PSG11: variants seen among roughly 807,000 people sequenced by gnomAD.
PSG11 encodes the protein pregnancy-specific beta-1-glycoprotein 11.
PSG11 carries 42 observed loss-of-function variants against 36.0 expected under a neutral mutation model. The ratio of observed to expected loss-of-function variants is 1.17; its 90% CI spans 0.91 to 1.51. The LOEUF (loss-of-function observed/expected upper bound fraction) is 1.51, where lower values mean the gene tolerates loss of function less well. PSG11 is among the 40% of genes most tolerant of loss of function. The pLI is 0.00. For missense variants in PSG11, 558 were observed against 403.5 expected (o/e 1.38, Z -3.28); for synonymous variants, 206 against 153.5 (o/e 1.34, Z -2.53).
intron 4 of PSG11, chr19:43,010,545 T>A: frequency 1.7e-6 from 1 of 572,128 alleles, no homozygotes; most frequent in Non-Finnish European, 3.0e-6. Context: ...TCTCTGAGGC[T>A]CTCTTTAACG....
rs1469260466 is a variant in PSG11, at chr19:43,010,654, A to G, written c.965-613T>C. The G allele has an allele frequency of 7.6e-6, 2 of 262,882 alleles. 1 individual carries two copies. The highest frequency in any genetic ancestry group is 4.6e-5 in the African/African-American group (2 of 43,152). 16.3% of individuals were successfully genotyped at this position (262,882 alleles called of 1,614,324 possible). On this transcript the variant is annotated intron_variant, in intron 4 of 5. Transcript: ENST00000320078. The stretch of plus-strand genomic sequence containing the variant: ...TTCTTTCTCTTTCTTTTTCACAGGA[A>G]TCAGCTCTGCATAGTGGTCTGTGGG...
intron 5 of PSG11, among the ~76,000 whole-genome samples, chr19:43,008,331 G>A (rs1252593363): frequency 6.6e-6 from 1 of 151,164 alleles, no homozygotes; most frequent in African/African-American, 2.4e-5. Flanking sequence ...GGAGTGCAGT[G>A]GTGCAATCTC....
At position 43,016,913 on chromosome 19, in the gene PSG11, G is replaced by C. The variant is rs545807864; in HGVS notation, c.710-1543C>G. Among the ~76,000 whole-genome samples, 7 of 151,640 alleles carry C rather than the reference G, an allele frequency of 4.6e-5. No individual in the cohort carries two copies. The East Asian group carries it at 1.4e-3, about 29-fold the overall frequency. On this transcript the variant is annotated intron_variant, in intron 3 of 5. Transcript: ENST00000320078. Reference sequence around the variant, plus strand: ...GTGGGAATGAACTGCTGGAAATCTGGTCCTCATGGACCATATGTGTTTGAT... The same window carrying C: ...GTGGGAATGAACTGCTGGAAATCTGCTCCTCATGGACCATATGTGTTTGAT...
At chr19:43,016,714 T>C (rs1452236844) in intron 3 of PSG11, among the ~76,000 whole-genome samples, 1 of 151,478 alleles carries the variant, frequency 6.6e-6, no homozygotes. Context: ...CAAGGAATGA[T>C]CTAGGAAGAG....
chr19:43,024,738 C>A lies in PSG11; in HGVS notation c.383G>T (p.Gly128Val), dbSNP rs142250883. 2 of 1,611,528 alleles carry A rather than the reference C, an allele frequency of 1.2e-6. 1 individual carries two copies. Among genetic ancestry groups the A allele is most frequent in the African/African-American group, 2.7e-5 (2 of 74,308 alleles). Residue 128 changes from glycine to valine, a missense_variant, in exon 2 of 6, where the codon GGT (glycine) becomes GTT (valine). Coordinates refer to ENST00000320078, the MANE Select transcript of PSG11 (RefSeq NM_002785.3). ...TCCAGTTACTCCTCTAGTCCCATCA[C>A]CTCGCTTTATGATGTGTAAGGTGTA... Reference protein sequence around the residue: ...GSYTLHIIKRGDGTRGVTGYF... With the variant: ...GSYTLHIIKRVDGTRGVTGYF...
intron 5 of PSG11, among the ~76,000 whole-genome samples, chr19:43,008,747 C>A (rs2122778658): frequency 6.6e-6 from 1 of 151,332 alleles, no homozygotes; most frequent in East Asian, 1.9e-4. Context: ...GTAGCCCATT[C>A]ATAAATAGGG....
intron 4 of PSG11, chr19:43,010,565 G>A: frequency 2.1e-6 from 1 of 483,850 alleles, no homozygotes. Flanking sequence ...GCTAATGGGT[G>A]ACTGGTTGGA....
chr19:43,024,691 G>A lies in PSG11; in HGVS notation c.430C>T (p.Leu144=), dbSNP rs369193836. The change falls in exon 2 of 6, where the codon CTG becomes TTG. Residue 144 remains leucine (L), a splice_region_variant and synonymous_variant. Transcript: ENST00000320078. ...CCAGGGATCATGTGGAATCACTTAC[G>A]GTATAAGGTGAAGGTGAAATATCCA... ...VTGYFTFTLY[L]ETPKPSISSS... is the part of the protein sequence containing the mutation. 5.3e-5 allele frequency: 86 copies of A among 1,610,076 alleles called. 4 individuals carry two copies. The African/African-American group carries it at 7.3e-4, about 14-fold the overall frequency.
rs3950834 is a variant in PSG11 at position 43,023,045 on chromosome 19, G to T, written c.430+1646C>A. ...CACCATGGCAGTGAGCAGTGAGGGA[G>T]ACACTGACTTCAGAGCCCCCAGGAA... is the stretch of plus-strand genomic sequence containing the variant. On this transcript the variant is annotated intron_variant, in intron 2 of 5. Coordinates refer to ENST00000320078, the MANE Select transcript of PSG11 (RefSeq NM_002785.3). 1.7e-4 allele frequency among the ~76,000 whole-genome samples: 25 copies of T among 150,574 alleles called. 1 individual carries two copies. Among genetic ancestry groups the T allele is most frequent in the Admixed American group, 6.6e-4 (10 of 15,106 alleles).
chr19:43,025,526 T>G (rs1482340554), intron 1 of PSG11, among the ~76,000 whole-genome samples: 5 of 151,080 alleles, frequency 3.3e-5, no homozygotes, highest in South Asian at 4.2e-4. Flanking sequence ...CATGTCTGAC[T>G]TCCTCCCCAT....
At chr19:43,022,219 T>C (rs1486353945) in intron 2 of PSG11, among the ~76,000 whole-genome samples, 1 of 151,484 alleles carries the variant, frequency 6.6e-6, no homozygotes, top group East Asian at 1.9e-4. Context: ...TTACAAAATT[T>C]GTAACTAATT....
chr19:43,019,021 C>A lies in PSG11; in HGVS notation c.458G>T (p.Ser153Ile). ...GGCCTCCCTGGGGTTTAAGTTGCTGCTGGAGATGGAGGGCTTGGGAGTCTC... is the reference window on the plus strand; with the variant it reads ...GGCCTCCCTGGGGTTTAAGTTGCTGATGGAGATGGAGGGCTTGGGAGTCTC... ...YLETPKPSIS[S>I]SNLNPREAME... Residue 153 changes from serine (S) to isoleucine (I), a missense_variant, in exon 3 of 6, where the codon AGC becomes ATC. Ser to Ile is a moderately radical substitution (Grantham distance 142). Coordinates refer to ENST00000320078, the MANE Select transcript of PSG11 (RefSeq NM_002785.3). 1 of 1,611,870 alleles carries A rather than the reference C, an allele frequency of 6.2e-7. No individual in the cohort carries two copies. The highest frequency in any genetic ancestry group is 8.5e-7 in the Non-Finnish European group (1 of 1,179,046).
At chr19:43,010,302 C>T (rs571404658) in intron 4 of PSG11, 3 of 1,495,810 alleles carry the variant, frequency 2.0e-6, no homozygotes, top group Non-Finnish European at 2.7e-6. Flanking sequence ...GTGAGAAAGG[C>T]TGATTGCTAT....
At chr19:43,013,652 G>T (rs1966886743) in intron 4 of PSG11, among the ~76,000 whole-genome samples, 1 of 151,372 alleles carries the variant, frequency 6.6e-6, no homozygotes, top group Admixed American at 6.6e-5. Context: ...GGAAAAATTG[G>T]AGCTCTAGTG....
In PSG11 at chr19:43,024,928, A is replaced by G; in HGVS notation, c.193T>C (p.Tyr65His). ...CTGATTTGCCCTTTGTACCAGATGT[A>G]GCCAGTAAGATTCTGGGGCAAATTG... The part of the protein sequence containing the change: ...VHNLPQNLTG[Y>H]IWYKGQIRDL... Residue 65 changes from tyrosine to histidine, a missense_variant, in exon 2 of 6, where the codon TAC becomes CAC. By Grantham distance (83) the Tyr-to-His change is moderately conservative. Transcript: ENST00000320078. 6.2e-7 allele frequency: 1 copy of G among 1,611,910 alleles called. No individual in the cohort carries two copies.
intron 3 of PSG11, chr19:43,016,037 G>A (rs1409692563): frequency 4.3e-6 from 7 of 1,609,440 alleles, no homozygotes; most frequent in Admixed American, 1.7e-5. Flanking sequence ...TAGGGCATGG[G>A]CAGCTTTGCT....
At chr19:43,011,991 C>T (rs970499619) in intron 4 of PSG11, among the ~76,000 whole-genome samples, 1 of 150,192 alleles carries the variant, frequency 6.7e-6, no homozygotes, top group East Asian at 1.9e-4. Context: ...AATTGTATGC[C>T]AATAAATTGG....
intron 2 of PSG11, among the ~76,000 whole-genome samples, chr19:43,022,539 T>C (rs183415967): frequency 6.6e-6 from 1 of 151,572 alleles, no homozygotes; most frequent in Non-Finnish European, 1.5e-5. Flanking sequence ...TCTGTCCTCC[T>C]GTTTGGCAGA....
At chr19:43,010,670 G>A (rs910988886) in intron 4 of PSG11, 10 of 213,764 alleles carry the variant, frequency 4.7e-5, no homozygotes, top group African/African-American at 1.9e-4. Flanking sequence ...TCTGCATAGT[G>A]GTCTGTGGGT....
Sources: allele counts gnomAD v4.1 joint callset (sites outside exome capture counted in the v4.1 genomes callset), GRCh38; gene constraint gnomAD v4.1.1; transcripts MANE v1.5; gene names NCBI Gene and HGNC (gene_info 2026-07-23, HGNC 2026-07-21).